The following RIPOR1 variants were observed in gnomAD, a reference collection of about 807,000 sequenced individuals.
The protein encoded by RIPOR1 is RHO family interacting cell polarization regulator 1.
A neutral mutation model predicts 116.5 loss-of-function variants in RIPOR1; 58 were observed. That is an observed-to-expected ratio of 0.50 (90% CI 0.40 to 0.62). The LOEUF is 0.62. Ranked by LOEUF, RIPOR1 falls within the 20% of genes least tolerant of loss-of-function variation. The pLI is 0.00. For synonymous variants in RIPOR1, 605 were observed against 650.0 expected (o/e 0.93, Z 1.05); for missense variants, 1,372 against 1,586.2 (o/e 0.86, Z 2.29).
rs2050666710 is a variant in RIPOR1, at chr16:67,531,719, A to G, written c.-24+2805A>G. 2.4e-6 allele frequency: 1 copy of G among 412,538 alleles called. No individual in the cohort carries two copies. 25.6% of individuals were successfully genotyped at this position (412,538 alleles called of 1,614,324 possible). A position where few individuals can be genotyped will look rare whatever the true frequency, so the allele number is the denominator to read the frequency against. On this transcript the variant is annotated intron_variant, in intron 1 of 21. Coordinates refer to ENST00000042381, the MANE Select transcript of RIPOR1 (RefSeq NM_024519.4). This position sits in a 1 kb window ranked among gnomAD's most constrained non-coding sequence, Gnocchi z 4.2. ...TTGAAAGAATGTGAGGGACAGGACA[A>G]ATCCTGAAGGGCCTACGTGGGTCAT...
chr16:67,539,110 T>G, intron 4 of RIPOR1, 42 bp downstream of exon 4: 3 of 1,566,054 alleles, frequency 1.9e-6, no homozygotes, highest in Non-Finnish European at 2.6e-6. Flanking sequence ...CTCTTTGGTG[T>G]GGAGGGCTGG....
chr16:67,541,253 T>TTTTA lies in RIPOR1; in HGVS notation c.802-177_802-176insTTTA. 3.7e-6 allele frequency: 2 copies of TTTTA among 547,542 alleles called. No individual in the cohort carries two copies. The highest frequency in any genetic ancestry group is 3.1e-6 in the Non-Finnish European group (1 of 323,460). The allele number at this position is 547,542 out of a possible 1,614,324, so 33.9% of individuals were successfully genotyped here. A position where few individuals can be genotyped will look rare whatever the true frequency, so the allele number is the denominator to read the frequency against. ...TAAAAATTTTTTTTTTTTTTTTTTT[T>TTTTA]GAGACAGAGTCTTGCCATGTTGCCC... On this transcript the variant is annotated intron_variant, in intron 10 of 21. Coordinates refer to ENST00000042381, the MANE Select transcript of RIPOR1 (RefSeq NM_024519.4). This position sits in a 1 kb window ranked among gnomAD's most constrained non-coding sequence, Gnocchi z 4.6.
In RIPOR1 at chr16:67,537,539, C is replaced by CG; in HGVS notation, c.-23-879dup. The CG allele has an allele frequency of 6.7e-6, 9 of 1,349,088 alleles. No individual in the cohort carries two copies. Among genetic ancestry groups the CG allele is most frequent in the South Asian group, 5.3e-5 (3 of 56,424 alleles). The allele number at this position is 1,349,088 out of a possible 1,614,324, so 83.6% of individuals were successfully genotyped here. On this transcript the variant is annotated intron_variant, in intron 1 of 21. Coordinates refer to ENST00000042381, the MANE Select transcript of RIPOR1 (RefSeq NM_024519.4). This position sits in a 1 kb window ranked among gnomAD's most constrained non-coding sequence, Gnocchi z 4.6. ...GAAGTGGCCAGGGCCGGAAGGTCCG[C>CG]GGGGGGCGAGCGCGGGTCGGGGGCC...
Position 67,534,835 on chromosome 16 carries a change from CTTTTTTTTTTTTTT to C in RIPOR1, c.-23-3577_-23-3564del, listed in dbSNP as rs553858194. 6.3e-5 allele frequency among the ~76,000 whole-genome samples: 5 copies of C among 79,002 alleles called. 1 individual carries two copies. The highest frequency in any genetic ancestry group is 5.1e-4 in the Admixed American group (3 of 5,844). The allele number at this position is 79,002 out of a possible 152,430, so 51.8% of individuals were successfully genotyped here. On this transcript the variant is annotated intron_variant, in intron 1 of 21. Transcript: ENST00000042381. ...ACAGTTTCTAGGGTTTTCTTTTTTTCTTTTTTTTTTTTTTTTTTTTTTTTTGAGACAGACTCCCG... is the reference window on the plus strand; with the variant it reads ...ACAGTTTCTAGGGTTTTCTTTTTTTCTTTTTTTTTTTGAGACAGACTCCCG...
In RIPOR1 at chr16:67,537,461, C is replaced by G. The variant is rs918207233; in HGVS notation, c.-23-963C>G. 2 of 1,244,218 alleles carry G rather than the reference C, an allele frequency of 1.6e-6. No individual in the cohort carries two copies. Among genetic ancestry groups the G allele is most frequent in the Non-Finnish European group, 2.0e-6 (2 of 993,076 alleles). The allele number at this position is 1,244,218 out of a possible 1,614,324, so 77.1% of individuals were successfully genotyped here. ...GGCGGGGGGCGGCGCCGGGAGGAGC[C>G]GAAGCCGAGCCAGAGCCGCTGGGAG... On this transcript the variant is annotated intron_variant, in intron 1 of 21. Coordinates refer to ENST00000042381, the MANE Select transcript of RIPOR1 (RefSeq NM_024519.4). The surrounding 1 kb of genome is among the most constrained non-coding windows in gnomAD (Gnocchi z 4.6).
chr16:67,529,588 T>C lies in RIPOR1; in HGVS notation c.-24+674T>C. The C allele has an allele frequency of 1.7e-6, 1 of 602,568 alleles. No homozygotes were observed. The highest frequency in any genetic ancestry group is 2.9e-5 in the East Asian group (1 of 34,884). The allele number at this position is 602,568 out of a possible 1,614,324, so 37.3% of individuals were successfully genotyped here. On this transcript the variant is annotated intron_variant, in intron 1 of 21. Transcript: ENST00000042381. This position sits in a 1 kb window ranked among gnomAD's most constrained non-coding sequence, Gnocchi z 4.1. ...TGGGCAAGGGGCTGCTCACCAGGGC[T>C]AGAGGTCGGATTCAGTCCAGATTCA...
At position 67,529,691 on chromosome 16, in the gene RIPOR1, G is replaced by A. The variant is rs1477689509; in HGVS notation, c.-24+777G>A. 4.4e-5 allele frequency: 63 copies of A among 1,433,928 alleles called. No homozygotes were observed. The highest frequency in any genetic ancestry group is 5.9e-5 in the Non-Finnish European group (63 of 1,066,760). 88.8% of individuals were successfully genotyped at this position (1,433,928 alleles called of 1,614,324 possible). ...GACCCTCCCCAGCCAGTTCTAACGTGTGTCCAGGCTGGCCGCCCCAGCACC... is the reference window on the plus strand; with the variant it reads ...GACCCTCCCCAGCCAGTTCTAACGTATGTCCAGGCTGGCCGCCCCAGCACC... On this transcript the variant is annotated intron_variant, in intron 1 of 21. Coordinates refer to ENST00000042381, the MANE Select transcript of RIPOR1 (RefSeq NM_024519.4). The surrounding 1 kb of genome is among the most constrained non-coding windows in gnomAD (Gnocchi z 4.1).
Position 67,541,808 on chromosome 16 carries a change from T to C in RIPOR1, c.1080+26T>C. On this transcript the variant is annotated intron_variant, in intron 12 of 21. Coordinates refer to ENST00000042381, the MANE Select transcript of RIPOR1 (RefSeq NM_024519.4). The surrounding 1 kb of genome is among the most constrained non-coding windows in gnomAD (Gnocchi z 4.6). ...GTGAGTCATAGCCCAGGTCCAGGCC[T>C]CACCATCCCCCAGAGGCTCCCTGGG... is the stretch of plus-strand genomic sequence containing the variant. 1 of 1,613,912 alleles carries C rather than the reference T, an allele frequency of 6.2e-7. No homozygotes were observed.
At chr16:67,535,956 G>A (rs938383392) in intron 1 of RIPOR1, among the ~76,000 whole-genome samples, 1 of 152,180 alleles carries the variant, frequency 6.6e-6, no homozygotes, top group Middle Eastern at 3.2e-3. Flanking sequence ...AATCTGTCGG[G>A]GGGAGGGGGA....
chr16:67,538,193 CTCGGCAGGAAGTGGG>C (rs1156275732), intron 1 of RIPOR1: 1 of 422,922 alleles, frequency 2.4e-6, no homozygotes, highest in Non-Finnish European at 4.1e-6. Context: ...GAGCCCGCAC[CTCGGCAGGAAGTGGG>C]GGCCGAGCCG....
intron 1 of RIPOR1, among the ~76,000 whole-genome samples, chr16:67,532,049 G>A (rs1365822241): frequency 6.6e-6 from 1 of 150,990 alleles, no homozygotes. Flanking sequence ...CAGCCACCAC[G>A]CCCAGCTAAT....
chr16:67,521,550 C>G (rs1364937102), intron 1 of RIPOR1, among the ~76,000 whole-genome samples: 1 of 152,220 alleles, frequency 6.6e-6, no homozygotes, highest in East Asian at 1.9e-4. Context: ...GTCCCTCCCA[C>G]TTGTCCCTTA....
intron 4 of RIPOR1, 76 bp from the exon 5 acceptor site, chr16:67,539,652 G>C (rs2050911781): frequency 4.5e-6 from 7 of 1,552,744 alleles, no homozygotes; most frequent in Non-Finnish European, 6.2e-6. Context: ...AAGGGGAGCT[G>C]TGACGAGTCT....
Position 67,544,462 on chromosome 16 carries a change from T to C in RIPOR1, c.2733+31T>C. Reference sequence around the variant, plus strand: ...GCTGATGGTGTTCCCCCACCCTTCCTTTGTAACCCCTAACCCCAGGGAGTC... The same window carrying C: ...GCTGATGGTGTTCCCCCACCCTTCCCTTGTAACCCCTAACCCCAGGGAGTC... On this transcript the variant is annotated intron_variant, in intron 15 of 21. Coordinates refer to ENST00000042381, the MANE Select transcript of RIPOR1 (RefSeq NM_024519.4). The surrounding 1 kb of genome is among the most constrained non-coding windows in gnomAD (Gnocchi z 5.1). 6.3e-7 allele frequency: 1 copy of C among 1,588,566 alleles called. No homozygotes were observed.
chr16:67,545,964 C>G lies in RIPOR1; in HGVS notation c.3403C>G (p.Leu1135Val). The change falls in exon 20 of 22, where the codon CTG becomes GTG. Residue 1135 changes from leucine to valine, a missense_variant. This residue lies in a region of RIPOR1 where 1,005 missense variants were observed against 1,144.7 expected (regional missense o/e 0.88). Coordinates refer to ENST00000042381, the MANE Select transcript of RIPOR1 (RefSeq NM_024519.4). The surrounding 1 kb of genome is among the most constrained non-coding windows in gnomAD (Gnocchi z 4.8). ...CCTTCCACAGGCCCTCCTGTGCTTC[C>G]TGGACCAGCTGGAGGATGAGGACGT... is the stretch of plus-strand genomic sequence containing the variant. ...TFRERALLCFLDQLEDEDVQT... is the reference protein window; with the variant it reads ...TFRERALLCFVDQLEDEDVQT... 1 of 1,614,078 alleles carries G rather than the reference C, an allele frequency of 6.2e-7. No individual in the cohort carries two copies.
Position 67,537,656 on chromosome 16 carries a change from G to T in RIPOR1, c.-23-768G>T, listed in dbSNP as rs2050832310. 2.5e-6 allele frequency: 3 copies of T among 1,220,864 alleles called. No homozygotes were observed. Among genetic ancestry groups the T allele is most frequent in the Non-Finnish European group, 1.1e-6 (1 of 933,794 alleles). 75.6% of individuals were successfully genotyped at this position (1,220,864 alleles called of 1,614,324 possible). On this transcript the variant is annotated intron_variant, in intron 1 of 21. Transcript: ENST00000042381. This position sits in a 1 kb window ranked among gnomAD's most constrained non-coding sequence, Gnocchi z 4.6. ...GACTGGCCCCAGGGGAAGCAGGCCG[G>T]GTTTGGGGGCCAGGAGTGTGTGTTT...
At chr16:67,520,385 AAAAAG>A (rs1259050284) in intron 1 of RIPOR1, among the ~76,000 whole-genome samples, 19 of 150,972 alleles carry the variant, frequency 1.3e-4, no homozygotes, top group African/African-American at 3.9e-4. Flanking sequence ...CTCAAAAAAA[AAAAAG>A]AAAAGAAAAG....
chr16:67,545,988 G>C lies in RIPOR1; in HGVS notation c.3427G>C (p.Val1143Leu). The C allele has an allele frequency of 1.2e-6, 2 of 1,613,868 alleles. No individual in the cohort carries two copies. The highest frequency in any genetic ancestry group is 1.6e-4 in the Middle Eastern group (1 of 6,062). Residue 1143 changes from valine to leucine, a missense_variant, in exon 20 of 22, where the codon GTG (valine) becomes CTG (leucine). By Grantham distance (32) the Val-to-Leu change is conservative. Transcript: ENST00000042381. The surrounding 1 kb of genome is among the most constrained non-coding windows in gnomAD (Gnocchi z 4.8). ...CFLDQLEDED[V>L]QTRVAGCLAL... ...CCTGGACCAGCTGGAGGATGAGGAC[G>C]TGCAGACTCGAGTGGCTGGCTGCCT...
rs570343287 is a variant in RIPOR1, at chr16:67,541,304, A to C, written c.802-126A>C. ...AAGCTGGTCTTGAACTCCTGGCCTT[A>C]AGTGATCCTCCTGCCTCAGCCTCCC... is the stretch of plus-strand genomic sequence containing the variant. On this transcript the variant is annotated intron_variant, in intron 10 of 21. Coordinates refer to ENST00000042381, the MANE Select transcript of RIPOR1 (RefSeq NM_024519.4). This position sits in a 1 kb window ranked among gnomAD's most constrained non-coding sequence, Gnocchi z 4.6. 1.2e-5 allele frequency: 12 copies of C among 989,964 alleles called. No individual in the cohort carries two copies. The East Asian group carries it at 2.9e-4, about 24-fold the overall frequency. The allele number at this position is 989,964 out of a possible 1,614,324, so 61.3% of individuals were successfully genotyped here. A position where few individuals can be genotyped will look rare whatever the true frequency, so the allele number is the denominator to read the frequency against.
Sources: allele counts gnomAD v4.1 joint callset (sites outside exome capture counted in the v4.1 genomes callset), GRCh38; gene constraint gnomAD v4.1.1; regional missense constraint gnomAD v4.1.1; non-coding constraint Gnocchi (gnomAD v3.1); transcripts MANE v1.5; gene names NCBI Gene and HGNC (gene_info 2026-07-23, HGNC 2026-07-21).